Variants in ZNF704 observed in about 807,000 individuals in gnomAD.
The protein encoded by ZNF704 is zinc finger protein 704.
In ZNF704, 10 loss-of-function variants were observed where a neutral mutation model predicts 44.7. That is an observed-to-expected ratio of 0.22 (90% CI 0.14 to 0.38). The LOEUF is 0.38. Among genes scored for constraint, ZNF704 ranks in the 10% least tolerant of loss-of-function variants. The pLI, the probability that ZNF704 is intolerant of heterozygous loss-of-function variation, is 1.00. For missense variants in ZNF704, 390 were observed against 545.5 expected (o/e 0.71, Z 2.84); for synonymous variants, 211 against 207.6 (o/e 1.02, Z -0.14).
intron 2 of ZNF704, among the ~76,000 whole-genome samples, chr8:80,710,536 C>A (rs575303446): frequency 2.0e-5 from 3 of 152,126 alleles, no homozygotes; most frequent in African/African-American, 4.8e-5. Context: ...TACCCCTCGA[C>A]ATGATAGTAT....
chr8:80,701,174 C>T (rs890820145), intron 2 of ZNF704, among the ~76,000 whole-genome samples: 1 of 151,870 alleles, frequency 6.6e-6, no homozygotes, highest in Admixed American at 6.5e-5. Flanking sequence ...CTGTCCACCT[C>T]AGGGCAGTCA....
At chr8:80,722,454 T>C (rs1278834678) in intron 2 of ZNF704, among the ~76,000 whole-genome samples, 2 of 152,202 alleles carry the variant, frequency 1.3e-5, no homozygotes, top group Non-Finnish European at 2.9e-5. Context: ...TCCTGGCACA[T>C]GGTCACCTCT....
intron 4 of ZNF704, among the ~76,000 whole-genome samples, chr8:80,681,968 C>T (rs550915195): frequency 1.3e-5 from 2 of 152,208 alleles, no homozygotes; most frequent in Non-Finnish European, 2.9e-5. Flanking sequence ...CAGCTCCCTG[C>T]CCTGGCTGAC....
intron 1 of ZNF704, among the ~76,000 whole-genome samples, chr8:80,826,414 T>G (rs539105126): frequency 5.9e-5 from 9 of 152,146 alleles, no homozygotes; most frequent in African/African-American, 2.2e-4. Context: ...AATAACAGGC[T>G]CTGAAATTGA....
At chr8:80,751,311 T>G (rs1385139984) in intron 2 of ZNF704, among the ~76,000 whole-genome samples, 2 of 152,112 alleles carry the variant, frequency 1.3e-5, no homozygotes, top group African/African-American at 2.4e-5. Flanking sequence ...AAGAGCCCTA[T>G]AAGGAAGAGA....
intron 2 of ZNF704, among the ~76,000 whole-genome samples, chr8:80,713,634 A>G (rs1819027720): frequency 6.6e-6 from 1 of 152,260 alleles, no homozygotes; most frequent in Non-Finnish European, 1.5e-5. Flanking sequence ...GAGAAGAGAG[A>G]TAATGCAGAA....
intron 2 of ZNF704, among the ~76,000 whole-genome samples, chr8:80,714,320 C>T (rs754983308): frequency 3.0e-4 from 46 of 152,240 alleles, no homozygotes; most frequent in Admixed American, 1.9e-3. Flanking sequence ...ATTTGTTGAA[C>T]GAAATGAAAG....
chr8:80,691,861 C>A (rs1310457474), intron 3 of ZNF704, among the ~76,000 whole-genome samples: 2 of 152,162 alleles, frequency 1.3e-5, no homozygotes, highest in Non-Finnish European at 2.9e-5. Context: ...TCACCTGCCC[C>A]AGTGAATGTC....
chr8:80,802,603 A>G (rs1351499718), intron 2 of ZNF704, among the ~76,000 whole-genome samples: 2 of 152,208 alleles, frequency 1.3e-5, no homozygotes, highest in Non-Finnish European at 2.9e-5. Context: ...AAATTATCTC[A>G]ATAGATGCAG....
At chr8:80,677,111 T>C (rs1818380788) in intron 4 of ZNF704, among the ~76,000 whole-genome samples, 1 of 152,234 alleles carries the variant, frequency 6.6e-6, no homozygotes, top group South Asian at 2.1e-4. Flanking sequence ...TGATGGCTCT[T>C]ACCAATGAGT....
chr8:80,755,051 G>T lies in ZNF704; in HGVS notation c.222-61944C>A, dbSNP rs184899615. Among the ~76,000 whole-genome samples, 137 of 152,216 alleles carry T rather than the reference G, an allele frequency of 9.0e-4. 1 individual carries two copies. Among genetic ancestry groups the T allele is most frequent in the African/African-American group, 2.8e-3 (117 of 41,518 alleles). On this transcript the variant is annotated intron_variant, in intron 2 of 8. Coordinates refer to ENST00000327835, the MANE Select transcript of ZNF704 (RefSeq NM_001033723.3). ...TCATCATAGGTCTAGTACCAAGAAG[G>T]CACTCAATTGTGTCACTCCTTCCAC...
At chr8:80,653,704 T>C (rs910372979) in intron 7 of ZNF704, among the ~76,000 whole-genome samples, 1 of 152,072 alleles carries the variant, frequency 6.6e-6, no homozygotes, top group African/African-American at 2.4e-5. Context: ...TACAAACAAA[T>C]GGAAGAACAT....
intron 2 of ZNF704, among the ~76,000 whole-genome samples, chr8:80,738,760 G>C (rs1806707594): frequency 6.6e-6 from 1 of 152,066 alleles, no homozygotes; most frequent in African/African-American, 2.4e-5. Flanking sequence ...ATATACTTCT[G>C]TCTCCCCTGA....
chr8:80,720,840 C>G (rs1819154107), intron 2 of ZNF704, among the ~76,000 whole-genome samples: 1 of 152,240 alleles, frequency 6.6e-6, no homozygotes, highest in Non-Finnish European at 1.5e-5. Context: ...TCTCACCAAT[C>G]TCAGTCATGC....
At chr8:80,834,540 G>A (rs1207011411) in intron 1 of ZNF704, among the ~76,000 whole-genome samples, 1 of 152,128 alleles carries the variant, frequency 6.6e-6, no homozygotes. Context: ...TTTACTTTAA[G>A]TTCTGGGATA....
At chr8:80,801,327 A>C (rs1807896178) in intron 2 of ZNF704, among the ~76,000 whole-genome samples, 1 of 152,214 alleles carries the variant, frequency 6.6e-6, no homozygotes, top group African/African-American at 2.4e-5. Context: ...CCTGATAGAT[A>C]TATACAAAAC....
chr8:80,796,108 A>G (rs1807796987), intron 2 of ZNF704, among the ~76,000 whole-genome samples: 2 of 152,230 alleles, frequency 1.3e-5, no homozygotes, highest in South Asian at 4.1e-4. Context: ...TGTTGCTTAT[A>G]ACAGAATACT....
Position 80,711,388 on chromosome 8 carries a change from T to C in ZNF704, c.222-18281A>G, listed in dbSNP as rs529766702. Among the ~76,000 whole-genome samples the C allele has an allele frequency of 3.3e-5, 5 of 152,308 alleles. No homozygotes were observed. The South Asian group carries it at 8.3e-4, about 25-fold the overall frequency. Reference sequence around the variant, plus strand: ...ATGTTTTTGTCACATCCACTAAGAATAGAGAAACCCACTATGAATGGGAGG... The same window carrying C: ...ATGTTTTTGTCACATCCACTAAGAACAGAGAAACCCACTATGAATGGGAGG... On this transcript the variant is annotated intron_variant, in intron 2 of 8. Coordinates refer to ENST00000327835, the MANE Select transcript of ZNF704 (RefSeq NM_001033723.3).
chr8:80,700,355 T>C (rs1818790065), intron 2 of ZNF704, among the ~76,000 whole-genome samples: 1 of 152,162 alleles, frequency 6.6e-6, no homozygotes, highest in African/African-American at 2.4e-5. Context: ...AAAACCTCCA[T>C]TTATTAGTGA....
Sources: allele counts gnomAD v4.1 joint callset (sites outside exome capture counted in the v4.1 genomes callset), GRCh38; gene constraint gnomAD v4.1.1; transcripts MANE v1.5; gene names NCBI Gene and HGNC (gene_info 2026-07-23, HGNC 2026-07-21).